Variants in PIBF1 observed in about 807,000 individuals in gnomAD.
The protein encoded by PIBF1 is progesterone-induced-blocking factor 1.
A neutral mutation model predicts 112.5 loss-of-function variants in PIBF1; 90 were observed. The ratio of observed to expected loss-of-function variants is 0.80; its 90% CI spans 0.67 to 0.95. The LOEUF (loss-of-function observed/expected upper bound fraction) is 0.95. Ranked by LOEUF, PIBF1 falls within the 40% of genes least tolerant of loss-of-function variation. PIBF1 has a pLI of 0.00. For missense variants in PIBF1, 915 were observed against 852.3 expected (o/e 1.07, Z -0.92); for synonymous variants, 301 against 288.6 (o/e 1.04, Z -0.44).
At chr13:72,834,765 C>T (rs1224172909) in intron 8 of PIBF1, among the ~76,000 whole-genome samples, 1 of 152,162 alleles carries the variant, frequency 6.6e-6, no homozygotes, top group Non-Finnish European at 1.5e-5. Context: ...AATACTTCGA[C>T]TTGGCTAAAA....
chr13:72,796,505 G>A (rs1267740656), intron 4 of PIBF1, among the ~76,000 whole-genome samples: 3 of 152,242 alleles, frequency 2.0e-5, no homozygotes, highest in African/African-American at 7.2e-5. Flanking sequence ...ATGCTTGTGA[G>A]CATAGTGCTT....
At chr13:72,931,728 A>ATATATATATATATC (rs2041706520) in intron 14 of PIBF1, among the ~76,000 whole-genome samples, 1 of 144,300 alleles carries the variant, frequency 6.9e-6, no homozygotes, top group African/African-American at 2.5e-5. Context: ...GTATATATAT[A>ATATATATATATATC]TATATATATA....
chr13:73,002,072 T>C (rs1454348862), intron 17 of PIBF1, among the ~76,000 whole-genome samples: 1 of 152,192 alleles, frequency 6.6e-6, no homozygotes, highest in East Asian at 1.9e-4. Context: ...GTTCAGGCAC[T>C]TAGTGTACCA....
At chr13:72,793,423 C>G (rs1308686027) in intron 3 of PIBF1, among the ~76,000 whole-genome samples, 3 of 152,046 alleles carry the variant, frequency 2.0e-5, no homozygotes, top group African/African-American at 7.2e-5. Context: ...AGTTGAAGGG[C>G]TTGTTAAAGA....
chr13:72,879,040 G>A (rs1323895989), intron 10 of PIBF1, among the ~76,000 whole-genome samples: 3 of 152,104 alleles, frequency 2.0e-5, no homozygotes, highest in African/African-American at 4.8e-5. Context: ...ATAGTTGGGT[G>A]TGTTTTTAAT....
chr13:72,823,218 A>G lies in PIBF1; in HGVS notation c.806+1236A>G, dbSNP rs554542940. ...TAGCAATGACAGATACAATATAAAA[A>G]GAGAAAACTAAAAAGCACAGTCATC... On this transcript the variant is annotated intron_variant, in intron 6 of 17. Transcript: ENST00000326291. 5.9e-5 allele frequency among the ~76,000 whole-genome samples: 9 copies of G among 152,378 alleles called. No individual in the cohort carries two copies. In the South Asian group the frequency reaches 1.9e-3, roughly 32 times the overall value.
At chr13:72,848,114 GTTTGTT>G (rs1220945732) in intron 9 of PIBF1, among the ~76,000 whole-genome samples, 1 of 152,068 alleles carries the variant, frequency 6.6e-6, no homozygotes, top group Admixed American at 6.6e-5. Context: ...GGTTATTTTT[GTTTGTT>G]TTTGTTTTTG....
At chr13:72,848,468 C>T (rs2037970360) in intron 9 of PIBF1, among the ~76,000 whole-genome samples, 1 of 152,184 alleles carries the variant, frequency 6.6e-6, no homozygotes, top group African/African-American at 2.4e-5. Flanking sequence ...AAATTATCTG[C>T]TGCACAAATG....
intron 12 of PIBF1, among the ~76,000 whole-genome samples, chr13:72,911,944 G>A (rs149679815): frequency 1.5e-4 from 22 of 150,980 alleles, no homozygotes; most frequent in African/African-American, 4.4e-4. Flanking sequence ...AGCCTGACAT[G>A]GTGAGACCCC....
chr13:73,002,792 T>A (rs2043912163), intron 17 of PIBF1, among the ~76,000 whole-genome samples: 1 of 151,998 alleles, frequency 6.6e-6, no homozygotes. Flanking sequence ...GAGACCAGCC[T>A]GGCCAACATA....
In PIBF1 at chr13:72,899,962, C is replaced by T. The variant is rs143428107; in HGVS notation, c.1488+6013C>T. On this transcript the variant is annotated intron_variant, in intron 11 of 17. Transcript: ENST00000326291. ...CAGTAGCACTTCTATACACCAACAG[C>T]GACCAGGCAGAGAGTCAAATCAAGA... Among the ~76,000 whole-genome samples, 817 of 152,192 alleles carry T rather than the reference C, an allele frequency of 5.4e-3. 15 individuals carry two copies. The highest frequency in any genetic ancestry group is 0.018 in the African/African-American group (766 of 41,524).
At chr13:72,858,807 G>A (rs967961328) in intron 10 of PIBF1, among the ~76,000 whole-genome samples, 36 of 152,086 alleles carry the variant, frequency 2.4e-4, no homozygotes, top group African/African-American at 8.0e-4. Context: ...CAGAAATTAT[G>A]TTTTTAATAC....
intron 9 of PIBF1, among the ~76,000 whole-genome samples, chr13:72,847,903 G>T (rs928524069): frequency 2.6e-5 from 4 of 152,170 alleles, no homozygotes; most frequent in African/African-American, 9.7e-5. Flanking sequence ...TTGTGTCCAG[G>T]AAGACGCTGG....
At chr13:72,817,840 C>T (rs2036355294) in intron 5 of PIBF1, among the ~76,000 whole-genome samples, 1 of 152,120 alleles carries the variant, frequency 6.6e-6, no homozygotes, top group Non-Finnish European at 1.5e-5. Flanking sequence ...TGCTATTTTT[C>T]CTGTTTCCAA....
chr13:72,915,708 C>T (rs572520599), intron 12 of PIBF1, among the ~76,000 whole-genome samples: 87 of 152,256 alleles, frequency 5.7e-4, no homozygotes, highest in South Asian at 4.4e-3. Flanking sequence ...CATGTATCAT[C>T]TCTTCCATGT....
chr13:72,965,424 TTTA>T lies in PIBF1; in HGVS notation c.1964+23_1964+25del. ...TGTCAGGTAAACCATCTACAAATCT[TTTA>T]TTTGAATAATAAAGACATTGTTACC... On this transcript the variant is annotated intron_variant, in intron 15 of 17. Coordinates refer to ENST00000326291, the MANE Select transcript of PIBF1 (RefSeq NM_006346.4). 1 of 1,581,772 alleles carries T rather than the reference TTTA, an allele frequency of 6.3e-7. No homozygotes were observed. The highest frequency in any genetic ancestry group is 8.6e-7 in the Non-Finnish European group (1 of 1,163,004).
chr13:72,972,436 G>A (rs1202778775), intron 15 of PIBF1, among the ~76,000 whole-genome samples: 1 of 152,158 alleles, frequency 6.6e-6, no homozygotes, highest in East Asian at 1.9e-4. Context: ...GGCCGAGGTG[G>A]GCAGATCACG....
intron 15 of PIBF1, among the ~76,000 whole-genome samples, chr13:72,968,886 A>G (rs1347789048): frequency 6.6e-6 from 1 of 151,896 alleles, no homozygotes; most frequent in Non-Finnish European, 1.5e-5. Flanking sequence ...CAAAAAATAC[A>G]GAAAAATTTG....
chr13:72,814,232 G>T (rs1234790281), intron 5 of PIBF1, among the ~76,000 whole-genome samples: 1 of 152,058 alleles, frequency 6.6e-6, no homozygotes, highest in Admixed American at 6.5e-5. Context: ...GAGGTCAGAA[G>T]TTCAAGACCA....
Sources: gnomAD v4.1 joint callset for allele counts (sites outside exome capture counted in the v4.1 genomes callset) on GRCh38, gnomAD v4.1.1 for gene constraint, MANE v1.5 for transcripts, NCBI Gene and HGNC (gene_info 2026-07-23, HGNC 2026-07-21) for gene names.